Variants in TMPRSS3 observed in about 807,000 individuals in gnomAD.
TMPRSS3 encodes transmembrane protease serine 3.
In TMPRSS3, 55 loss-of-function variants were observed where a neutral mutation model predicts 59.6. The ratio of observed to expected loss-of-function variants is 0.92; its 90% CI spans 0.74 to 1.16. The LOEUF is 1.16. Ranked by LOEUF, TMPRSS3 falls within the 50% of genes most tolerant of loss-of-function variation. TMPRSS3 has a pLI of 0.00. For synonymous variants in TMPRSS3, 257 were observed against 237.7 expected (o/e 1.08, Z -0.75); for missense variants, 596 against 579.4 (o/e 1.03, Z -0.29).
intron 5 of TMPRSS3, among the ~76,000 whole-genome samples, chr21:42,387,565 G>A (rs1255798527): frequency 6.6e-6 from 1 of 152,150 alleles, no homozygotes; most frequent in African/African-American, 2.4e-5. Flanking sequence ...GGGCATTTTG[G>A]CTTCCACCAG....
chr21:42,389,878 C>G, intron 3 of TMPRSS3, 49 bp downstream of exon 3: 3 of 1,414,728 alleles, frequency 2.1e-6, no homozygotes, highest in Non-Finnish European at 3.0e-6. Flanking sequence ...GAAAGTTTAA[C>G]TACTTGGCTA....
In TMPRSS3 at chr21:42,385,542, C is replaced by T. The variant is rs1467104489; in HGVS notation, c.447-8G>A. ...TTATCTGAACTCACATAGCTGCAAG[C>T]ACATTGGAAAGACAGACCCGACGTG... On this transcript the variant is annotated splice_region_variant and splice_polypyrimidine_tract_variant and intron_variant, in intron 5 of 12. Coordinates refer to ENST00000644384, the MANE Select transcript of TMPRSS3 (RefSeq NM_001256317.3). 6.2e-7 allele frequency: 1 copy of T among 1,614,126 alleles called. No homozygotes were observed. The highest frequency in any genetic ancestry group is 1.7e-5 in the Admixed American group (1 of 60,032).
intron 3 of TMPRSS3, among the ~76,000 whole-genome samples, chr21:42,389,322 G>T (rs1471601710): frequency 5.9e-5 from 9 of 152,224 alleles, no homozygotes; most frequent in Non-Finnish European, 1.3e-4. Flanking sequence ...GGTCAAGAGA[G>T]AAACTGCATG....
chr21:42,391,345 C>T (rs763704706), intron 2 of TMPRSS3, among the ~76,000 whole-genome samples: 20 of 152,272 alleles, frequency 1.3e-4, no homozygotes, highest in Middle Eastern at 3.4e-3. Context: ...CATGTCCAGC[C>T]GAGGACAGGA....
chr21:42,389,261 C>T (rs773472334), intron 3 of TMPRSS3: 22 of 898,342 alleles, frequency 2.4e-5, no homozygotes, highest in Non-Finnish European at 3.4e-5. Flanking sequence ...CGCTATGTGG[C>T]CTGGCCCAGG....
At position 42,382,189 on chromosome 21, in the gene TMPRSS3, G is replaced by A; in HGVS notation, c.828C>T (p.Ser276=). ...KSWTIQVGLV[S]LLDNPAPSHL... ...GGGATGGGGCTGGATTGTCCAACAG[G>A]GAAACTAGACCCACCTGGATGGTCC... Residue 276 remains serine, a synonymous_variant, in exon 9 of 13, where the codon TCC becomes TCT. Coordinates refer to ENST00000644384, the MANE Select transcript of TMPRSS3 (RefSeq NM_001256317.3). 1 of 1,614,164 alleles carries A rather than the reference G, an allele frequency of 6.2e-7. No homozygotes were observed. The highest frequency in any genetic ancestry group is 8.5e-7 in the Non-Finnish European group (1 of 1,180,026).
chr21:42,378,279 T>C (rs1038913764), intron 10 of TMPRSS3, among the ~76,000 whole-genome samples: 2 of 152,198 alleles, frequency 1.3e-5, no homozygotes, highest in African/African-American at 4.8e-5. Flanking sequence ...CCTGGGTGCC[T>C]TCAGCTGGGG....
chr21:42,395,244 C>A (rs1294414703), intron 2 of TMPRSS3, 80 bp downstream of exon 2: 3 of 1,229,070 alleles, frequency 2.4e-6, no homozygotes, highest in African/African-American at 3.0e-5. Context: ...ATATTTCCCC[C>A]ACAGGGACAG....
intron 2 of TMPRSS3, among the ~76,000 whole-genome samples, chr21:42,394,342 A>C (rs1478870450): frequency 6.6e-6 from 1 of 152,182 alleles, no homozygotes; most frequent in Non-Finnish European, 1.5e-5. Context: ...ATTCCATAAG[A>C]AAAAATTTAT....
chr21:42,380,059 C>T, intron 10 of TMPRSS3, 58 bp downstream of exon 10: 2 of 1,443,148 alleles, frequency 1.4e-6, no homozygotes, highest in South Asian at 1.2e-5. Flanking sequence ...GGAGCCCCCT[C>T]CGCAGCCCTC....
chr21:42,387,371 A>AGTGTGTGTGTGTGTGT (rs59669731), intron 5 of TMPRSS3, among the ~76,000 whole-genome samples: 6,540 of 147,122 alleles, frequency 0.044, 171 homozygotes, highest in Middle Eastern at 0.069. Flanking sequence ...AGCTGTGTGC[A>AGTGTGTGTGTGTGTGT]GTGTGTGTGT....
chr21:42,377,615 G>A (rs968839145), intron 10 of TMPRSS3, among the ~76,000 whole-genome samples: 4 of 152,170 alleles, frequency 2.6e-5, no homozygotes, highest in African/African-American at 4.8e-5. Context: ...GGCCAAGCAC[G>A]CCCCCGACAC....
intron 12 of TMPRSS3, among the ~76,000 whole-genome samples, chr21:42,373,932 T>C (rs2052377862): frequency 6.6e-6 from 1 of 152,122 alleles, no homozygotes; most frequent in African/African-American, 2.4e-5. Context: ...GCCTTGCGCC[T>C]TCAGTGTCTT....
At position 42,375,794 on chromosome 21, in the gene TMPRSS3, G is replaced by A. The variant is rs372469227; in HGVS notation, c.1266C>T (p.Ile422=). 89 of 1,613,800 alleles carry A rather than the reference G, an allele frequency of 5.5e-5. No homozygotes were observed. In the East Asian group the frequency reaches 7.6e-4, roughly 14 times the overall value. ...WKLVGATSFG[I]GCAEVNKPGV... ...CAGGCTTGTTCACCTCTGCGCAGCC[G>A]ATGCCAAAGCTGGTCGCTCCCACTA... is the stretch of plus-strand genomic sequence containing the variant. The change falls in exon 12 of 13, where the codon ATC becomes ATT. Residue 422 remains isoleucine, a synonymous_variant. Coordinates refer to ENST00000644384, the MANE Select transcript of TMPRSS3 (RefSeq NM_001256317.3).
In TMPRSS3 at chr21:42,372,076, G is replaced by C. The variant is rs768387052; in HGVS notation, c.*686C>G. On this transcript the variant is annotated 3_prime_UTR_variant, in exon 13 of 13. Coordinates refer to ENST00000644384, the MANE Select transcript of TMPRSS3 (RefSeq NM_001256317.3). ...TGGTCCCTAGAGATGAAAACGTGCA[G>C]TGACTGCAGTTCTGCACTTCTGGGC... The C allele has an allele frequency of 1.5e-5, 7 of 454,274 alleles. No individual in the cohort carries two copies. In the Admixed American group the frequency reaches 1.6e-4, roughly 11 times the overall value. The allele number at this position is 454,274 out of a possible 1,614,324, so 28.1% of individuals were successfully genotyped here. A position where few individuals can be genotyped will look rare whatever the true frequency, so the allele number is the denominator to read the frequency against.
rs149493340 is a variant in TMPRSS3, at chr21:42,390,413, C to T, written c.95-376G>A. On this transcript the variant is annotated intron_variant, in intron 2 of 12. Transcript: ENST00000644384. ...GTCATTAGGGTGGGCCCTAATCCAACGTGGCTGTTGCCCTTATAAAAAGGG... is the reference window on the plus strand; with the variant it reads ...GTCATTAGGGTGGGCCCTAATCCAATGTGGCTGTTGCCCTTATAAAAAGGG... 2,206 of 270,240 alleles carry T rather than the reference C, an allele frequency of 8.2e-3. 61 individuals carry two copies. The highest frequency in any genetic ancestry group is 0.046 in the African/African-American group (2,102 of 45,564). 16.7% of individuals were successfully genotyped at this position (270,240 alleles called of 1,614,324 possible).
chr21:42,395,627 C>A, intron 1 of TMPRSS3, 159 bp from the exon 2 acceptor site: 1 of 483,870 alleles, frequency 2.1e-6, no homozygotes, highest in South Asian at 1.8e-5. Context: ...AATGCATTTT[C>A]GTCTGAGCTA....
intron 10 of TMPRSS3, among the ~76,000 whole-genome samples, chr21:42,378,874 G>GTTTC (rs557896292): frequency 9.2e-6 from 1 of 109,286 alleles, no homozygotes; most frequent in Non-Finnish European, 1.9e-5. Context: ...GCTAATTTTT[G>GTTTC]TTTGTTTGTT....
In TMPRSS3 at chr21:42,382,185, A is replaced by C. The variant is rs768961609; in HGVS notation, c.832T>G (p.Leu278Val). Residue 278 changes from leucine to valine, a missense_variant, in exon 9 of 13, where the codon TTG (leucine) becomes GTG (valine). Leu to Val is a conservative substitution (Grantham distance 32, BLOSUM62 1). Transcript: ENST00000644384. ...WTIQVGLVSL[L>V]DNPAPSHLVE... ...AAGTGGGATGGGGCTGGATTGTCCAACAGGGAAACTAGACCCACCTGGATG... is the reference window on the plus strand; with the variant it reads ...AAGTGGGATGGGGCTGGATTGTCCACCAGGGAAACTAGACCCACCTGGATG... 1 of 1,614,242 alleles carries C rather than the reference A, an allele frequency of 6.2e-7. No homozygotes were observed. Among genetic ancestry groups the C allele is most frequent in the Non-Finnish European group, 8.5e-7 (1 of 1,180,044 alleles).
Sources: allele counts gnomAD v4.1 joint callset (sites outside exome capture counted in the v4.1 genomes callset), GRCh38; gene constraint gnomAD v4.1.1; transcripts MANE v1.5; gene names NCBI Gene and HGNC (gene_info 2026-07-23, HGNC 2026-07-21).